Variants in SLC22A31 observed in about 807,000 individuals in gnomAD.
SLC22A31 encodes solute carrier family 22 member 31.
SLC22A31 carries 42 observed loss-of-function variants against 27.4 expected under a neutral mutation model. The ratio of observed to expected loss-of-function variants is 1.53; its 90% CI spans 1.20 to 1.98. The LOEUF is 1.98. Ranked by LOEUF, SLC22A31 falls within the 30% of genes most tolerant of loss-of-function variation. The pLI is 0.00. For synonymous variants in SLC22A31, 290 were observed against 230.8 expected (o/e 1.26, Z -2.33); for missense variants, 593 against 479.9 (o/e 1.24, Z -2.20).
chr16:89,200,265 C>T lies in SLC22A31; in HGVS notation c.24+213G>A, dbSNP rs1423266595. 3.9e-5 allele frequency: 6 copies of T among 154,732 alleles called. No homozygotes were observed. The Admixed American group carries it at 3.9e-4, about 10-fold the overall frequency. The allele number at this position is 154,732 out of a possible 1,614,324, so 9.6% of individuals were successfully genotyped here. On this transcript the variant is annotated intron_variant, in intron 1 of 8. Coordinates refer to ENST00000682282, the MANE Select transcript of SLC22A31 (RefSeq NM_001384763.1). ...TAAGAAATGAACCCCAGCACCTGCG[C>T]TGGTACCCACGCCCTCCCTGCCCTG...
intron 8 of SLC22A31, 25 bp downstream of exon 8, chr16:89,197,273 G>A (rs767089457): frequency 1.3e-6 from 2 of 1,525,152 alleles, no homozygotes; most frequent in South Asian, 1.2e-5. Flanking sequence ...ACCCTGCTGT[G>A]TGGCCGGGCA....
chr16:89,198,283 A>G lies in SLC22A31; in HGVS notation c.761T>C (p.Val254Ala). The change falls in exon 7 of 9, where the codon GTG becomes GCG. Residue 254 changes from valine to alanine, a missense_variant. Physicochemically the swap from Val to Ala is moderately conservative, Grantham distance 64. Coordinates refer to ENST00000682282, the MANE Select transcript of SLC22A31 (RefSeq NM_001384763.1). ...ASFRRSLAPQ[V>A]PTFYLPYFLE... The stretch of plus-strand genomic sequence containing the variant: ...GAAGTAGGGCAGGTAGAAGGTCGGC[A>G]CCTGAGGTGCCAGGCTGCGGCGGAA... 1 of 1,535,914 alleles carries G rather than the reference A, an allele frequency of 6.5e-7. No homozygotes were observed. Among genetic ancestry groups the G allele is most frequent in the East Asian group, 2.4e-5 (1 of 40,918 alleles).
intron 8 of SLC22A31, 117 bp from the exon 9 acceptor site, chr16:89,196,422 C>G: frequency 2.0e-6 from 2 of 1,017,118 alleles, no homozygotes; most frequent in South Asian, 3.5e-5. Context: ...AGCCAGCCTC[C>G]TGGCCCAGGA....
chr16:89,196,302 C>T lies in SLC22A31; in HGVS notation c.1038G>A (p.Gly346=), dbSNP rs773768610. Residue 346 remains glycine (G), a synonymous_variant, in exon 9 of 9, where the codon GGG becomes GGA. Coordinates refer to ENST00000682282, the MANE Select transcript of SLC22A31 (RefSeq NM_001384763.1). The part of the protein sequence containing the change: ...AAEVFPTVIR[G]AGLGLVLGAG... ...CCCCCAGCACCAGGCCCAGCCCGGC[C>T]CCCCTGTGGGACAGAGTGTGTTGGG... 14 of 1,489,008 alleles carry T rather than the reference C, an allele frequency of 9.4e-6. 1 individual carries two copies. The South Asian group carries it at 1.8e-4, about 19-fold the overall frequency. The allele number at this position is 1,489,008 out of a possible 1,614,324, so 92.2% of individuals were successfully genotyped here. A position where few individuals can be genotyped will look rare whatever the true frequency, so the allele number is the denominator to read the frequency against.
chr16:89,198,024 C>G (rs1263500042), intron 7 of SLC22A31, 98 bp downstream of exon 7: 37 of 1,368,032 alleles, frequency 2.7e-5, no homozygotes, highest in Admixed American at 4.6e-5. Context: ...GGCTGCCACC[C>G]CAGGCTGCTC....
In SLC22A31 at chr16:89,199,109, C is replaced by A; in HGVS notation, c.366G>T (p.Leu122=). The A allele has an allele frequency of 6.5e-7, 1 of 1,534,602 alleles. No homozygotes were observed. The highest frequency in any genetic ancestry group is 1.2e-5 in the South Asian group (1 of 83,942). ...CCTGCACAAGCGCAGCCAGGCCGGG[C>A]AGCAGCAGGGTGCCCACCACCGAGA... ...GLFSVVGTLL[L]PGLAALVQDW... is the part of the protein sequence containing the mutation. Residue 122 remains leucine (L), a synonymous_variant, in exon 4 of 9, where the codon CTG becomes CTT. Coordinates refer to ENST00000682282, the MANE Select transcript of SLC22A31 (RefSeq NM_001384763.1).
chr16:89,198,831 C>T (rs1426852998), intron 4 of SLC22A31, 34 bp from the exon 5 acceptor site: 7 of 1,514,954 alleles, frequency 4.6e-6, no homozygotes, highest in Middle Eastern at 1.7e-4. Flanking sequence ...ACGGCTCCCT[C>T]CACCTCCTCC....
At position 89,195,800 on chromosome 16, in the gene SLC22A31, G is replaced by A. The variant is rs1483832289; in HGVS notation, c.*199C>T. ...TTATCCTCCACACCTACTGGGTGTGGCTGGGGGGAGACCCAGGGCCTCCCA... is the reference window on the plus strand; with the variant it reads ...TTATCCTCCACACCTACTGGGTGTGACTGGGGGGAGACCCAGGGCCTCCCA... On this transcript the variant is annotated 3_prime_UTR_variant, in exon 9 of 9. Coordinates refer to ENST00000682282, the MANE Select transcript of SLC22A31 (RefSeq NM_001384763.1). The A allele has an allele frequency of 3.6e-6, 2 of 551,696 alleles. No homozygotes were observed. Among genetic ancestry groups the A allele is most frequent in the Non-Finnish European group, 6.1e-6 (2 of 326,524 alleles). 34.2% of individuals were successfully genotyped at this position (551,696 alleles called of 1,614,324 possible).
Position 89,199,115 on chromosome 16 carries a change from C to T in SLC22A31, c.360G>A (p.Leu120=), listed in dbSNP as rs1188928750. 2 of 1,531,838 alleles carry T rather than the reference C, an allele frequency of 1.3e-6. No homozygotes were observed. The highest frequency in any genetic ancestry group is 4.9e-5 in the East Asian group (2 of 40,628). 94.9% of individuals were successfully genotyped at this position (1,531,838 alleles called of 1,614,324 possible). Residue 120 remains leucine, a synonymous_variant, in exon 4 of 9, where the codon CTG becomes CTA. Coordinates refer to ENST00000682282, the MANE Select transcript of SLC22A31 (RefSeq NM_001384763.1). ...CAAGCGCAGCCAGGCCGGGCAGCAGCAGGGTGCCCACCACCGAGAAAAGGC... is the reference window on the plus strand; with the variant it reads ...CAAGCGCAGCCAGGCCGGGCAGCAGTAGGGTGCCCACCACCGAGAAAAGGC... ...GAGLFSVVGT[L]LLPGLAALVQ... is the part of the protein sequence containing the mutation.
chr16:89,197,326 C>T lies in SLC22A31; in HGVS notation c.1006G>A (p.Ala336Thr), dbSNP rs568179819. ...RAVSALSSLF[A>T]AEVFPTVIRG... is the part of the protein sequence containing the mutation. ...ATCACCGTGGGGAAGACCTCGGCCG[C>T]GAAGAGGCTGCTGAGTGCGGACACA... Residue 336 changes from alanine to threonine, a missense_variant, in exon 8 of 9, where the codon GCG becomes ACG. By Grantham distance (58) the Ala-to-Thr change is moderately conservative. Transcript: ENST00000682282. The T allele has an allele frequency of 7.2e-6, 11 of 1,535,778 alleles. No homozygotes were observed. The highest frequency in any genetic ancestry group is 4.1e-5 in the African/African-American group (3 of 73,142).
chr16:89,199,079 C>G lies in SLC22A31; in HGVS notation c.396G>C (p.Trp132Cys), dbSNP rs1436304134. The change falls in exon 4 of 9, where the codon TGG becomes TGC. Residue 132 changes from tryptophan (W) to cysteine (C), a missense_variant. Physicochemically the swap from Trp to Cys is radical, Grantham distance 215 (BLOSUM62 -2). Transcript: ENST00000682282. ...GGGCACCCAGCCCCTGCAGAAGACG[C>G]CAGTCCTGCACAAGCGCAGCCAGGC... ...LPGLAALVQD[W>C]RLLQGLGALM... The G allele has an allele frequency of 6.5e-7, 1 of 1,535,702 alleles. No homozygotes were observed. Among genetic ancestry groups the G allele is most frequent in the South Asian group, 1.2e-5 (1 of 84,052 alleles).
Position 89,198,688 on chromosome 16 carries a change from C to G in SLC22A31, c.562G>C (p.Gly188Arg), listed in dbSNP as rs780787731. ...GAGTTCTCCTCCAAGGAACTGTCCC[C>G]GGGGCCCACGCCACTGGCTTCTGCA... is the stretch of plus-strand genomic sequence containing the variant. ...RFAEASGVGPGDSSLEENSLA... is the reference protein window; with the variant it reads ...RFAEASGVGPRDSSLEENSLA... Residue 188 changes from glycine (G) to arginine (R), a missense_variant, in exon 5 of 9, where the codon GGG becomes CGG. Physicochemically the swap from Gly to Arg is moderately radical, Grantham distance 125. Coordinates refer to ENST00000682282, the MANE Select transcript of SLC22A31 (RefSeq NM_001384763.1). 1.3e-6 allele frequency: 2 copies of G among 1,535,610 alleles called. No individual in the cohort carries two copies. The highest frequency in any genetic ancestry group is 1.4e-5 in the African/African-American group (1 of 73,016).
Position 89,198,322 on chromosome 16 carries a change from C to G in SLC22A31, c.722G>C (p.Gly241Ala). The change falls in exon 7 of 9, where the codon GGC becomes GCC. Residue 241 changes from glycine (G) to alanine (A), a missense_variant. Transcript: ENST00000682282. ...GCTGCGGCGGAAGCTAGCTCTGATG[C>G]CTCCACCAACCAGCCTGGGAGAGAG... is the stretch of plus-strand genomic sequence containing the variant. ...ILGFSSLVGGGIRASFRRSLA... is the reference protein window; with the variant it reads ...ILGFSSLVGGAIRASFRRSLA... 1 of 1,535,894 alleles carries G rather than the reference C, an allele frequency of 6.5e-7. No homozygotes were observed. Among genetic ancestry groups the G allele is most frequent in the Non-Finnish European group, 8.7e-7 (1 of 1,146,872 alleles).
chr16:89,196,293 C>A lies in SLC22A31; in HGVS notation c.1047G>T (p.Leu349=), dbSNP rs1915898485. 1 of 1,511,424 alleles carries A rather than the reference C, an allele frequency of 6.6e-7. No homozygotes were observed. 93.6% of individuals were successfully genotyped at this position (1,511,424 alleles called of 1,614,324 possible). The change falls in exon 9 of 9, where the codon CTG becomes CTT. Residue 349 remains leucine, a synonymous_variant. Coordinates refer to ENST00000682282, the MANE Select transcript of SLC22A31 (RefSeq NM_001384763.1). ...GGAACCCGGCCCCCAGCACCAGGCC[C>A]AGCCCGGCCCCCCTGTGGGACAGAG... ...VFPTVIRGAG[L]GLVLGAGFLG...
intron 4 of SLC22A31, 94 bp from the exon 5 acceptor site, chr16:89,198,891 G>A (rs1916263857): frequency 1.3e-6 from 2 of 1,489,928 alleles, no homozygotes; most frequent in Admixed American, 2.1e-5. Context: ...CAGGCTCAGG[G>A]GCAGGACATC....
At chr16:89,197,541 G>T in intron 7 of SLC22A31, 132 bp from the exon 8 acceptor site, 1 of 624,478 alleles carries the variant, frequency 1.6e-6, no homozygotes, top group Non-Finnish European at 2.8e-6. Context: ...CAGCCCCCCT[G>T]AGAAACCTGG....
At chr16:89,201,162 G>T (rs916240481), upstream of SLC22A31, 283 of 378,268 alleles carry the variant, frequency 7.5e-4, 2 homozygotes, top group Middle Eastern at 3.4e-3. Flanking sequence ...CGGCCGGGGG[G>T]CCCGGGTCAG....
intron 4 of SLC22A31, 95 bp downstream of exon 4, chr16:89,198,928 C>A: frequency 6.7e-7 from 1 of 1,493,474 alleles, no homozygotes; most frequent in Non-Finnish European, 8.9e-7. Context: ...ACCCTGTAAC[C>A]CATGCGTTTA....
intron 4 of SLC22A31, 96 bp downstream of exon 4, chr16:89,198,927 C>A: frequency 1.3e-6 from 2 of 1,493,110 alleles, no homozygotes; most frequent in African/African-American, 2.8e-5. Context: ...GACCCTGTAA[C>A]CCATGCGTTT....
Sources: allele counts gnomAD v4.1 joint callset, GRCh38; gene constraint gnomAD v4.1.1; transcripts MANE v1.5; gene names NCBI Gene and HGNC (gene_info 2026-07-23, HGNC 2026-07-21).